SUDS3: variants seen among roughly 807,000 people sequenced by gnomAD.
SUDS3 encodes SIN3A corepressor complex component SDS3, also known as sin3 histone deacetylase corepressor complex component SDS3.
Under a neutral mutation model 53.5 loss-of-function variants are expected in SUDS3, and 23 were observed. That is an observed-to-expected ratio of 0.43 (90% CI 0.31 to 0.61). The LOEUF (loss-of-function observed/expected upper bound fraction) is 0.61. SUDS3 is among the 20% of genes least tolerant of loss of function. The pLI, the probability that SUDS3 is intolerant of heterozygous loss-of-function variation, is 0.10. For missense variants in SUDS3, 291 were observed against 405.9 expected (o/e 0.72, Z 2.43); for synonymous variants, 150 against 148.5 (o/e 1.01, Z -0.08).
At chr12:118,394,017 G>C (rs556801021) in intron 6 of SUDS3, among the ~76,000 whole-genome samples, 91 of 152,238 alleles carry the variant, frequency 6.0e-4, no homozygotes, top group Non-Finnish European at 1.1e-3. Context: ...CGCTGATCCT[G>C]CTGGTTGATA....
At chr12:118,389,047 G>A (rs907871052) in intron 4 of SUDS3, among the ~76,000 whole-genome samples, 3 of 152,136 alleles carry the variant, frequency 2.0e-5, no homozygotes, top group African/African-American at 7.2e-5. Flanking sequence ...TACTTGGGAG[G>A]CTGAGGCAGT....
At chr12:118,400,182 A>G (rs2046251618) in intron 6 of SUDS3, among the ~76,000 whole-genome samples, 1 of 152,264 alleles carries the variant, frequency 6.6e-6, no homozygotes, top group African/African-American at 2.4e-5. Flanking sequence ...GTAAATGAAA[A>G]CTTCGTATAA....
rs865898120 is a variant in SUDS3, at chr12:118,399,924, G to A, written c.518-735G>A. The stretch of plus-strand genomic sequence containing the variant: ...GATTGGTTGGGATACAGTCTGAAAG[G>A]AACTGACTGGACCCCAAAGATGATC... On this transcript the variant is annotated intron_variant, in intron 6 of 11. Transcript: ENST00000543473. Among the ~76,000 whole-genome samples the A allele has an allele frequency of 2.6e-5, 4 of 152,244 alleles. No homozygotes were observed. The South Asian group carries it at 8.3e-4, about 32-fold the overall frequency.
intron 6 of SUDS3, among the ~76,000 whole-genome samples, chr12:118,391,831 G>A (rs2046170921): frequency 6.6e-6 from 1 of 152,154 alleles, no homozygotes; most frequent in South Asian, 2.1e-4. Context: ...AGGTGTTACT[G>A]AACATTTCAG....
chr12:118,390,079 A>G (rs1223719448), intron 5 of SUDS3, 133 bp downstream of exon 5: 2 of 1,123,492 alleles, frequency 1.8e-6, no homozygotes, highest in Non-Finnish European at 2.7e-6. Context: ...GTTTGACTTA[A>G]GGACATTTGG....
chr12:118,414,552 A>T lies in SUDS3; in HGVS notation c.*119A>T. ...CTGGGAATAGCTACTCAGCCTTGGA[A>T]ATGGAGAGCACTGCAGTGAATTCTT... On this transcript the variant is annotated 3_prime_UTR_variant, in exon 12 of 12. Coordinates refer to ENST00000543473, the MANE Select transcript of SUDS3 (RefSeq NM_022491.3). 4.9e-6 allele frequency: 4 copies of T among 819,686 alleles called. No individual in the cohort carries two copies. The highest frequency in any genetic ancestry group is 7.4e-6 in the Non-Finnish European group (4 of 541,896). 50.8% of individuals were successfully genotyped at this position (819,686 alleles called of 1,614,324 possible). A position where few individuals can be genotyped will look rare whatever the true frequency, so the allele number is the denominator to read the frequency against.
At chr12:118,385,206 T>TCAAGCGATTCTCCTGCGTC (rs1390591514) in intron 3 of SUDS3, among the ~76,000 whole-genome samples, 2 of 152,086 alleles carry the variant, frequency 1.3e-5, no homozygotes, top group East Asian at 3.9e-4. Context: ...CCTCCTGGGT[T>TCAAGCGATTCTCCTGCGTC]CAAGCGATTC....
Position 118,411,092 on chromosome 12 carries a change from A to G in SUDS3, c.823A>G (p.Ile275Val). 6.2e-7 allele frequency: 1 copy of G among 1,606,130 alleles called. No individual in the cohort carries two copies. Among genetic ancestry groups the G allele is most frequent in the Non-Finnish European group, 8.5e-7 (1 of 1,176,314 alleles). The change falls in exon 11 of 12, where the codon ATC becomes GTC. Residue 275 changes from isoleucine (I) to valine (V), a missense_variant. Coordinates refer to ENST00000543473, the MANE Select transcript of SUDS3 (RefSeq NM_022491.3). ...TGTCAGGTACCACAAGAGCCAGGCCATCTATCTGGAGTCAAAGGACAACCA... is the reference window on the plus strand; with the variant it reads ...TGTCAGGTACCACAAGAGCCAGGCCGTCTATCTGGAGTCAAAGGACAACCA... ...DKRWYHKSQAIYLESKDNQKL... is the reference protein window; with the variant it reads ...DKRWYHKSQAVYLESKDNQKL...
chr12:118,387,697 G>A (rs982654655), intron 4 of SUDS3, among the ~76,000 whole-genome samples: 1 of 151,954 alleles, frequency 6.6e-6, no homozygotes, highest in South Asian at 2.1e-4. Context: ...AATTACAGGC[G>A]CCTGCCACCA....
chr12:118,391,081 C>G, intron 5 of SUDS3, 45 bp from the exon 6 acceptor site: 1 of 1,603,552 alleles, frequency 6.2e-7, no homozygotes, highest in Non-Finnish European at 8.5e-7. Flanking sequence ...GGAGCCCTGG[C>G]TCCCAGGGCT....
chr12:118,385,626 T>G (rs1405385552), intron 3 of SUDS3, among the ~76,000 whole-genome samples: 2 of 152,230 alleles, frequency 1.3e-5, no homozygotes, highest in Admixed American at 6.5e-5. Flanking sequence ...ATGTGGCTGT[T>G]TAAATTTAAT....
intron 6 of SUDS3, among the ~76,000 whole-genome samples, chr12:118,399,590 T>G (rs2046245837): frequency 6.6e-6 from 1 of 150,636 alleles, no homozygotes; most frequent in African/African-American, 2.4e-5. Flanking sequence ...GAGGGGAGGA[T>G]GGATGGGACA....
In SUDS3 at chr12:118,409,354, C is replaced by T. The variant is rs554133641; in HGVS notation, c.804-1719C>T. 7.9e-5 allele frequency among the ~76,000 whole-genome samples: 12 copies of T among 152,130 alleles called. No homozygotes were observed. The East Asian group carries it at 1.9e-3, about 25-fold the overall frequency. ...TAGAGATGGGGTTTCACCATGTTGG[C>T]CAGGCTGGTCTCGATCTCCTGACCT... On this transcript the variant is annotated intron_variant, in intron 10 of 11. Transcript: ENST00000543473.
At chr12:118,378,674 GTTTAT>G (rs2046025496) in intron 1 of SUDS3, among the ~76,000 whole-genome samples, 1 of 151,320 alleles carries the variant, frequency 6.6e-6, no homozygotes, top group Non-Finnish European at 1.5e-5. Context: ...TTGTTGTTTT[GTTTAT>G]TTTATTTTTT....
At chr12:118,391,310 TGGG>T in intron 6 of SUDS3, 28 bp downstream of exon 6, 1 of 1,584,090 alleles carries the variant, frequency 6.3e-7, no homozygotes, top group South Asian at 1.2e-5. Context: ...GGTGGGATCT[TGGG>T]GGCCCTGAGC....
intron 2 of SUDS3, among the ~76,000 whole-genome samples, chr12:118,380,502 A>C (rs189537807): frequency 6.6e-6 from 1 of 152,326 alleles, no homozygotes; most frequent in East Asian, 1.9e-4. Context: ...AGGGATACTT[A>C]ATCTGTAGTA....
intron 6 of SUDS3, among the ~76,000 whole-genome samples, chr12:118,393,360 C>T (rs1191125599): frequency 6.6e-6 from 1 of 152,182 alleles, no homozygotes; most frequent in East Asian, 1.9e-4. Context: ...TGATGAGAAG[C>T]TTAGTCTAAA....
At chr12:118,405,766 G>T (rs2046303477) in intron 10 of SUDS3, among the ~76,000 whole-genome samples, 1 of 152,206 alleles carries the variant, frequency 6.6e-6, no homozygotes, top group Non-Finnish European at 1.5e-5. Flanking sequence ...CACTGGTGCA[G>T]TGCCAGCCTC....
chr12:118,394,454 C>T (rs967267653), intron 6 of SUDS3, among the ~76,000 whole-genome samples: 1 of 152,164 alleles, frequency 6.6e-6, no homozygotes, highest in Non-Finnish European at 1.5e-5. Context: ...GTCTGTCTCA[C>T]TCCAAGCATA....
Sources: gnomAD v4.1 joint callset for allele counts (sites outside exome capture counted in the v4.1 genomes callset) on GRCh38, gnomAD v4.1.1 for gene constraint, MANE v1.5 for transcripts, NCBI Gene and HGNC (gene_info 2026-07-23, HGNC 2026-07-21) for gene names.